Variants in HDAC4 observed in about 807,000 individuals in gnomAD.
The protein encoded by HDAC4 is histone deacetylase A.
Under a neutral mutation model 135.1 loss-of-function variants are expected in HDAC4, and 16 were observed. The observed-to-expected ratio is 0.12, with a 90% confidence interval of 0.08 to 0.18. The LOEUF (loss-of-function observed/expected upper bound fraction) is 0.18. Ranked by LOEUF, HDAC4 falls within the 10% of genes least tolerant of loss-of-function variation. The probability of loss-of-function intolerance (pLI) is 1.00; values close to 1 mark genes in which losing one functional copy is unlikely to be tolerated. For missense variants in HDAC4, 1,143 were observed against 1,511.8 expected, an observed-to-expected ratio of 0.76 and a Z score of 4.05; for synonymous variants, 685 against 653.4, an observed-to-expected ratio of 1.05 and a Z score of -0.74.
In HDAC4 at chr2:239,106,318, C is replaced by T. The variant is rs3791400; in HGVS notation, c.2112+1732G>A. Among the ~76,000 whole-genome samples, 544 of 152,254 alleles carry T rather than the reference C, an allele frequency of 3.6e-3. 9 individuals are homozygous for T. In the East Asian group the frequency reaches 0.045, roughly 13 times the overall value. On this transcript the variant is annotated intron_variant, in intron 15 of 26. Transcript: ENST00000543185. The stretch of plus-strand genomic sequence containing the variant: ...CCCTCTCCCAATCCCCTGGCCTCAG[C>T]GGAACCTCCTGGGGGTGGGGGCACA...
intron 3 of HDAC4, among the ~76,000 whole-genome samples, chr2:239,201,254 G>A (rs544971565): frequency 6.6e-6 from 1 of 151,958 alleles, no homozygotes; most frequent in Non-Finnish European, 1.5e-5. Context: ...GGAGTGTTAT[G>A]GGGAGCTCAC....
At chr2:239,274,098 T>C (rs1407885823) in intron 2 of HDAC4, among the ~76,000 whole-genome samples, 1 of 152,214 alleles carries the variant, frequency 6.6e-6, no homozygotes, top group Non-Finnish European at 1.5e-5. Context: ...AGCAGCCTAG[T>C]CCGCTCCTTA....
chr2:239,066,418 C>T (rs959586250), intron 24 of HDAC4, among the ~76,000 whole-genome samples: 8 of 152,238 alleles, frequency 5.3e-5, no homozygotes, highest in South Asian at 2.1e-4. Flanking sequence ...GTGTGCTCCA[C>T]GTAATGGAGA....
intron 5 of HDAC4, among the ~76,000 whole-genome samples, chr2:239,164,602 G>A (rs946810489): frequency 6.6e-6 from 1 of 152,240 alleles, no homozygotes; most frequent in Non-Finnish European, 1.5e-5. Context: ...CACGGAGGCT[G>A]CTCGCCTCAG....
Position 239,207,135 on chromosome 2 carries a change from CA to C in HDAC4, c.95-17059del, listed in dbSNP as rs59023121. 6.9e-3 allele frequency among the ~76,000 whole-genome samples: 822 copies of C among 118,534 alleles called. 2 individuals carry two copies. The highest frequency in any genetic ancestry group is 0.018 in the Middle Eastern group (4 of 228). The allele number at this position is 118,534 out of a possible 152,430, so 77.8% of individuals were successfully genotyped here. A position where few individuals can be genotyped will look rare whatever the true frequency, so the allele number is the denominator to read the frequency against. ...TTCTCTACAATAGAAAGTTCAATTT[CA>C]AAAAAAAAAAAATTTCTAAATATCT... On this transcript the variant is annotated intron_variant, in intron 3 of 26. Transcript: ENST00000543185.
chr2:239,097,458 A>G (rs1374337198), intron 16 of HDAC4, among the ~76,000 whole-genome samples: 7 of 152,148 alleles, frequency 4.6e-5, no homozygotes, highest in African/African-American at 1.4e-4. Context: ...TCCCGTGTCC[A>G]CATGTCAGCG....
In HDAC4 at chr2:239,255,675, T is replaced by C. The variant is rs537367379; in HGVS notation, c.23-19011A>G. 2.6e-5 allele frequency among the ~76,000 whole-genome samples: 4 copies of C among 152,272 alleles called. No individual in the cohort carries two copies. In the East Asian group the frequency reaches 7.7e-4, roughly 29 times the overall value. ...GGAAGAGGAGGCCACTGAAATATGG[T>C]CTAGTGTGAGTAACTCTGCACAACT... is the stretch of plus-strand genomic sequence containing the variant. On this transcript the variant is annotated intron_variant, in intron 2 of 26. Transcript: ENST00000543185.
chr2:239,357,696 C>A (rs554887435), intron 1 of HDAC4, among the ~76,000 whole-genome samples: 57 of 150,044 alleles, frequency 3.8e-4, no homozygotes, highest in African/African-American at 1.3e-3. Context: ...GCAGCCTGGG[C>A]AACATTGTGA....
At position 239,068,357 on chromosome 2, in the gene HDAC4, T is replaced by G. The variant is rs1170638421; in HGVS notation, c.2869+132A>C. 1 of 701,892 alleles carries G rather than the reference T, an allele frequency of 1.4e-6. No homozygotes were observed. Among genetic ancestry groups the G allele is most frequent in the Non-Finnish European group, 2.5e-6 (1 of 396,298 alleles). The allele number at this position is 701,892 out of a possible 1,614,324, so 43.5% of individuals were successfully genotyped here. ...CCAAATGGACTGGTTCCCAGTACGGTCAGAACCTTGGTCATTAGTAAAAAG... is the reference window on the plus strand; with the variant it reads ...CCAAATGGACTGGTTCCCAGTACGGGCAGAACCTTGGTCATTAGTAAAAAG... On this transcript the variant is annotated intron_variant, in intron 23 of 26. Coordinates refer to ENST00000543185, the MANE Select transcript of HDAC4 (RefSeq NM_001378414.1). The surrounding 1 kb of genome is among the most constrained non-coding windows in gnomAD (Gnocchi z 4.4).
intron 2 of HDAC4, among the ~76,000 whole-genome samples, chr2:239,291,441 G>A (rs2051491720): frequency 6.6e-6 from 1 of 152,196 alleles, no homozygotes; most frequent in South Asian, 2.1e-4. Flanking sequence ...GGGCCTGAGG[G>A]CACACAGGAA....
chr2:239,071,192 C>A (rs1470150695), intron 22 of HDAC4, among the ~76,000 whole-genome samples: 2 of 151,892 alleles, frequency 1.3e-5, no homozygotes, highest in African/African-American at 4.8e-5. Flanking sequence ...CTGAGGTGGG[C>A]AGATCACCTG....
rs143190401 is a variant in HDAC4, at chr2:239,307,503, G to A, written c.22+45175C>T. Among the ~76,000 whole-genome samples, 2 of 152,250 alleles carry A rather than the reference G, an allele frequency of 1.3e-5. No homozygotes were observed. Among genetic ancestry groups the A allele is most frequent in the South Asian group, 2.1e-4 (1 of 4,820 alleles). On this transcript the variant is annotated intron_variant, in intron 2 of 26. Transcript: ENST00000543185. This position sits in a 1 kb window ranked among gnomAD's most constrained non-coding sequence, Gnocchi z 4.8. ...CTAATCAGGGACCTGCCAGAGATAC[G>A]AGGGCCCAGTGGTCACTAAGGCCCA...
chr2:239,314,164 A>G (rs770637621), intron 2 of HDAC4, among the ~76,000 whole-genome samples: 1 of 152,200 alleles, frequency 6.6e-6, no homozygotes, highest in Non-Finnish European at 1.5e-5. Flanking sequence ...ACCTCCCAGC[A>G]CCAGGCAGAA....
chr2:239,228,853 T>G (rs2047387502), intron 3 of HDAC4, among the ~76,000 whole-genome samples: 1 of 152,050 alleles, frequency 6.6e-6, no homozygotes, highest in South Asian at 2.1e-4. Flanking sequence ...TACTATAAAG[T>G]AACAAGGGCT....
chr2:239,169,644 T>A (rs1382802275), intron 5 of HDAC4, among the ~76,000 whole-genome samples: 1 of 152,126 alleles, frequency 6.6e-6, no homozygotes, highest in Non-Finnish European at 1.5e-5. Flanking sequence ...CCACTTGGGA[T>A]CAGTTTGGCA....
At chr2:239,070,053 CCA>C (rs1361572395) in intron 22 of HDAC4, among the ~76,000 whole-genome samples, 2 of 150,640 alleles carry the variant, frequency 1.3e-5, no homozygotes, top group Admixed American at 6.6e-5. Flanking sequence ...TGGGTCAGCT[CCA>C]CTCGCCCCAT....
intron 7 of HDAC4, among the ~76,000 whole-genome samples, chr2:239,152,005 G>C (rs532532373): frequency 6.6e-6 from 1 of 152,156 alleles, no homozygotes; most frequent in South Asian, 2.1e-4. Flanking sequence ...AGTTGTTTTG[G>C]CCTCCTTTCA....
chr2:239,260,143 G>A (rs550185193), intron 2 of HDAC4, among the ~76,000 whole-genome samples: 1 of 152,348 alleles, frequency 6.6e-6, no homozygotes, highest in Non-Finnish European at 1.5e-5. Context: ...AGAGGTTGGG[G>A]TGTCCCATCC....
At chr2:239,345,572 C>CACACACACACGGACACCCTA (rs1198838446) in intron 2 of HDAC4, among the ~76,000 whole-genome samples, 2 of 151,160 alleles carry the variant, frequency 1.3e-5, no homozygotes. Flanking sequence ...ACACACCCAA[C>CACACACACACGGACACCCTA]ACACACACAC....
Sources: allele counts gnomAD v4.1 joint callset (sites outside exome capture counted in the v4.1 genomes callset), GRCh38; gene constraint gnomAD v4.1.1; non-coding constraint Gnocchi (gnomAD v3.1); transcripts MANE v1.5; gene names NCBI Gene and HGNC (gene_info 2026-07-23, HGNC 2026-07-21).